The following RECQL variants were observed in gnomAD, a reference collection of about 807,000 sequenced individuals.
The protein encoded by RECQL is RecQ like helicase.
In RECQL, 73 loss-of-function variants were observed where a neutral mutation model predicts 75.8. The observed-to-expected ratio is 0.96, with a 90% CI of 0.80 to 1.17. The LOEUF is 1.17. Ranked by LOEUF, RECQL falls within the 50% of genes most tolerant of loss-of-function variation. The pLI, the probability that RECQL is intolerant of heterozygous loss-of-function variation, is 0.00. For missense variants in RECQL, 699 were observed against 772.1 expected, an observed-to-expected ratio of 0.91 and a Z score of 1.12; for synonymous variants, 248 against 254.4, an observed-to-expected ratio of 0.97 and a Z score of 0.24.
At position 21,469,718 on chromosome 12, in the gene RECQL, T is replaced by C. The variant is rs975804391; in HGVS notation, c.*476A>G. ...TTTTAAGCTCATCAGCTATCATCAG[T>C]GTTAGCATATTTTATGTGCGGCCCA... On this transcript the variant is annotated 3_prime_UTR_variant, in exon 15 of 15. Coordinates refer to ENST00000444129, the MANE Select transcript of RECQL (RefSeq NM_002907.4). 6.6e-6 allele frequency: 1 copy of C among 151,360 alleles called. No homozygotes were observed. The highest frequency in any genetic ancestry group is 2.4e-5 in the African/African-American group (1 of 41,006). The allele number at this position is 151,360 out of a possible 1,614,324, so 9.4% of individuals were successfully genotyped here.
chr12:21,492,734 G>A (rs774848200), intron 2 of RECQL, among the ~76,000 whole-genome samples: 8 of 152,202 alleles, frequency 5.3e-5, no homozygotes, highest in Non-Finnish European at 1.0e-4. Context: ...CTTTGTGGAC[G>A]TGGGGCAGAA....
In RECQL at chr12:21,490,345, A is replaced by G; in HGVS notation, c.248T>C (p.Leu83Pro). The part of the protein sequence containing the change: ...FPWSGKVKDI[L>P]QNVFKLEKFR... Reference sequence around the variant, plus strand: ...CTTTTCCAGTTTAAAGACATTTTGCAGAATATCTTTAACTTTACCAGACCA... The same window carrying G: ...CTTTTCCAGTTTAAAGACATTTTGCGGAATATCTTTAACTTTACCAGACCA... The change falls in exon 4 of 15, where the codon CTG (leucine) becomes CCG (proline). Residue 83 changes from leucine (L) to proline (P), a missense_variant. Around this residue, in one of 2 missense-constraint regions of RECQL, gnomAD observed 669 missense variants for 713.5 expected, o/e 0.94. Transcript: ENST00000444129. 1 of 1,612,422 alleles carries G rather than the reference A, an allele frequency of 6.2e-7. No individual in the cohort carries two copies. Among genetic ancestry groups the G allele is most frequent in the Non-Finnish European group, 8.5e-7 (1 of 1,178,880 alleles).
In RECQL at chr12:21,477,872, C is replaced by A. The variant is rs748890023; in HGVS notation, c.798G>T (p.Gln266His). 4 of 1,613,874 alleles carry A rather than the reference C, an allele frequency of 2.5e-6. No homozygotes were observed. In the Admixed American group the frequency reaches 6.7e-5, roughly 27 times the overall value. ...AACACTTTTCAATGCACAAAATTTT[C>A]TGAGCATCCGTCAAAACGTGATTTG... ...TATNHVLTDA[Q>H]KILCIEKCFT... Residue 266 changes from glutamine to histidine, a missense_variant, in exon 7 of 15, where the codon CAG becomes CAT. Physicochemically the swap from Gln to His is conservative, Grantham distance 24 (BLOSUM62 0). Coordinates refer to ENST00000444129, the MANE Select transcript of RECQL (RefSeq NM_002907.4).
At chr12:21,477,606 C>CATT (rs1312212457) in intron 7 of RECQL, among the ~76,000 whole-genome samples, 197 bp downstream of exon 7, 1 of 152,154 alleles carries the variant, frequency 6.6e-6, no homozygotes, top group Non-Finnish European at 1.5e-5. Flanking sequence ...AGGTGTCTTC[C>CATT]ATTTAATCTA....
At position 21,494,370 on chromosome 12, in the gene RECQL, G is replaced by C. The variant is rs552380372; in HGVS notation, c.17-2654C>G. On this transcript the variant is annotated intron_variant, in intron 2 of 14. Coordinates refer to ENST00000444129, the MANE Select transcript of RECQL (RefSeq NM_002907.4). ...TCAGAAACCTAGAGAATGTATATGG[G>C]AATAGATCATAAAGGTACTGAAACA... Among the ~76,000 whole-genome samples the C allele has an allele frequency of 2.0e-5, 3 of 152,254 alleles. No homozygotes were observed. The East Asian group carries it at 5.8e-4, about 29-fold the overall frequency.
At chr12:21,473,301 C>G (rs966072516) in intron 12 of RECQL, among the ~76,000 whole-genome samples, 3 of 152,038 alleles carry the variant, frequency 2.0e-5, no homozygotes, top group Admixed American at 2.0e-4. Flanking sequence ...TTTAGATACA[C>G]AAATACTTAA....
At chr12:21,492,914 T>G (rs1279860520) in intron 2 of RECQL, among the ~76,000 whole-genome samples, 3 of 152,320 alleles carry the variant, frequency 2.0e-5, no homozygotes, top group East Asian at 3.9e-4. Context: ...CCTTGCAGCT[T>G]CCAGCTCATC....
chr12:21,482,397 A>T (rs570933812), intron 6 of RECQL, among the ~76,000 whole-genome samples: 8 of 152,354 alleles, frequency 5.3e-5, no homozygotes, highest in African/African-American at 1.7e-4. Flanking sequence ...AGTTAATGAT[A>T]GGAGACATTT....
Position 21,476,978 on chromosome 12 carries a change from G to C in RECQL, c.882C>G (p.Pro294=). The C allele has an allele frequency of 6.2e-7, 1 of 1,606,910 alleles. No homozygotes were observed. The highest frequency in any genetic ancestry group is 8.5e-7 in the Non-Finnish European group (1 of 1,177,044). ...PNLYYEVRQK[P]SNTEDFIEDI... ...CCTCAATAAAATCTTCAGTGTTTGAGGGCTTCTGCCGAACCTAAAAAAAAC... is the reference window on the plus strand; with the variant it reads ...CCTCAATAAAATCTTCAGTGTTTGACGGCTTCTGCCGAACCTAAAAAAAAC... Residue 294 remains proline (P), a synonymous_variant, in exon 8 of 15, where the codon CCC becomes CCG. Coordinates refer to ENST00000444129, the MANE Select transcript of RECQL (RefSeq NM_002907.4).
intron 6 of RECQL, 34 bp from the exon 7 acceptor site, chr12:21,478,003 C>T (rs577965371): frequency 6.4e-7 from 1 of 1,565,720 alleles, no homozygotes; most frequent in South Asian, 1.2e-5. Flanking sequence ...CTTTTTCTAT[C>T]CTTTAAGAGT....
At chr12:21,475,393 A>T (rs916166862) in intron 10 of RECQL, 75 bp downstream of exon 10, 5 of 890,516 alleles carry the variant, frequency 5.6e-6, no homozygotes, top group South Asian at 1.6e-5. Flanking sequence ...AAACATACAG[A>T]CTTATTAAGC....
chr12:21,478,634 G>A (rs149382779), intron 6 of RECQL, among the ~76,000 whole-genome samples: 1 of 152,330 alleles, frequency 6.6e-6, no homozygotes, highest in African/African-American at 2.4e-5. Flanking sequence ...TCAGATAACA[G>A]CAAGCAGTTC....
At chr12:21,485,452 A>C (rs529730478) in intron 5 of RECQL, among the ~76,000 whole-genome samples, 1 of 152,146 alleles carries the variant, frequency 6.6e-6, no homozygotes, top group Admixed American at 6.5e-5. Context: ...TCAACAAAGA[A>C]TTTGCATGGG....
intron 5 of RECQL, among the ~76,000 whole-genome samples, chr12:21,485,636 C>A (rs6487233): frequency 6.6e-6 from 1 of 151,556 alleles, no homozygotes; most frequent in Non-Finnish European, 1.5e-5. Context: ...GATGATGGCA[C>A]AGCACTTTTC....
rs10841834 is a variant in RECQL, at chr12:21,491,733, G to A, written c.17-17C>T. 0.45 allele frequency: 721,632 copies of A among 1,589,552 alleles called. 167,624 individuals are homozygous for A. Among genetic ancestry groups the A allele is most frequent in the South Asian group, 0.49 (42,935 of 86,980 alleles). ...CAGTTAGAGCTATGGGAGGCAGCGC[G>A]GATACAATGATTAGACAGAGTAAAT... On this transcript the variant is annotated splice_polypyrimidine_tract_variant and intron_variant, in intron 2 of 14. Transcript: ENST00000444129.
At chr12:21,486,607 ATCTACCTT>A in intron 4 of RECQL, 22 bp from the exon 5 acceptor site, 1 of 1,370,670 alleles carries the variant, frequency 7.3e-7, no homozygotes, top group African/African-American at 1.5e-5. Flanking sequence ...AAAAAAAAAA[ATCTACCTT>A]AAACTTTACA....
chr12:21,481,443 C>CTTA (rs879584177), intron 6 of RECQL, among the ~76,000 whole-genome samples: 1 of 152,014 alleles, frequency 6.6e-6, no homozygotes, highest in Admixed American at 6.5e-5. Context: ...CATGGTAATA[C>CTTA]TTAAGCAAGG....
chr12:21,490,730 T>C (rs1943396293), intron 3 of RECQL, among the ~76,000 whole-genome samples: 1 of 152,106 alleles, frequency 6.6e-6, no homozygotes. Context: ...TCTGTGCACC[T>C]GTAGTCCCAG....
chr12:21,495,464 C>T (rs11046085), intron 2 of RECQL, among the ~76,000 whole-genome samples: 8,427 of 151,988 alleles, frequency 0.055, 288 homozygotes, highest in Non-Finnish European at 0.068. Flanking sequence ...GGCGTGGTGG[C>T]GGGCGCCTGT....
Sources: allele counts gnomAD v4.1 joint callset (sites outside exome capture counted in the v4.1 genomes callset), GRCh38; gene constraint gnomAD v4.1.1; regional missense constraint gnomAD v4.1.1; transcripts MANE v1.5; gene names NCBI Gene and HGNC (gene_info 2026-07-23, HGNC 2026-07-21).